Variants in DCLK1 observed in about 807,000 individuals in gnomAD.
DCLK1 encodes doublecortin like kinase 1.
DCLK1 carries 16 observed loss-of-function variants against 86.2 expected under a neutral mutation model. The ratio of observed to expected loss-of-function variants is 0.19; its 90% CI spans 0.13 to 0.28. The LOEUF is 0.28. Ranked by LOEUF, DCLK1 falls within the 10% of genes least tolerant of loss-of-function variation. The pLI is 1.00. For missense variants in DCLK1, 590 were observed against 940.2 expected (o/e 0.63, Z 4.87); for synonymous variants, 369 against 370.5 (o/e 1.00, Z 0.05).
At chr13:36,093,496 T>C (rs1884907054) in intron 3 of DCLK1, among the ~76,000 whole-genome samples, 2 of 152,156 alleles carry the variant, frequency 1.3e-5, no homozygotes, top group Admixed American at 6.5e-5. Context: ...GTGATTAAAG[T>C]ACCATATATT....
intron 3 of DCLK1, among the ~76,000 whole-genome samples, chr13:35,979,332 C>T (rs1209519495): frequency 6.6e-6 from 1 of 151,840 alleles, no homozygotes; most frequent in Non-Finnish European, 1.5e-5. Flanking sequence ...TCATGGAAGA[C>T]AAGGGATGTC....
chr13:36,063,354 G>A (rs773246387), intron 3 of DCLK1, among the ~76,000 whole-genome samples: 3 of 152,140 alleles, frequency 2.0e-5, no homozygotes, highest in Non-Finnish European at 2.9e-5. Flanking sequence ...CAGAGAGAAC[G>A]TGGGAACTTC....
chr13:35,834,045 CA>C (rs1869168027), intron 8 of DCLK1, among the ~76,000 whole-genome samples: 1 of 152,140 alleles, frequency 6.6e-6, no homozygotes, highest in Non-Finnish European at 1.5e-5. Context: ...CAGCCCAATC[CA>C]AGAACTAGCT....
intron 4 of DCLK1, among the ~76,000 whole-genome samples, chr13:35,901,534 G>GT (rs1292276476): frequency 6.9e-6 from 1 of 145,098 alleles, no homozygotes; most frequent in East Asian, 2.1e-4. Context: ...CTATGAGGAT[G>GT]TGGAGGTGGG....
chr13:35,906,109 A>G (rs972922494), intron 4 of DCLK1, among the ~76,000 whole-genome samples: 1 of 152,252 alleles, frequency 6.6e-6, no homozygotes, highest in Non-Finnish European at 1.5e-5. Flanking sequence ...GCTAGCTTCC[A>G]GGACCACTCT....
chr13:35,915,519 A>G lies in DCLK1; in HGVS notation c.823+31839T>C, dbSNP rs547875805. 6.6e-4 allele frequency among the ~76,000 whole-genome samples: 100 copies of G among 152,298 alleles called. 2 individuals are homozygous for G. Among genetic ancestry groups the G allele is most frequent in the Admixed American group, 6.3e-3 (96 of 15,310 alleles). ...AGTTGGAGACCAGCCTGGGCAACATAGCAAGATCTCTTCTCTACTAAAAGA... is the reference window on the plus strand; with the variant it reads ...AGTTGGAGACCAGCCTGGGCAACATGGCAAGATCTCTTCTCTACTAAAAGA... On this transcript the variant is annotated intron_variant, in intron 4 of 16. Transcript: ENST00000360631.
At chr13:36,021,959 C>T (rs1162972798) in intron 3 of DCLK1, among the ~76,000 whole-genome samples, 5 of 152,044 alleles carry the variant, frequency 3.3e-5, no homozygotes. Context: ...TTCTTCTCAA[C>T]AGAGACATAG....
chr13:35,774,592 C>T lies in DCLK1; in HGVS notation c.2166G>A (p.Ser722=), dbSNP rs1372942208. Residue 722 remains serine, a synonymous_variant, in exon 17 of 17, where the codon TCG becomes TCA. Coordinates refer to ENST00000360631, the MANE Select transcript of DCLK1 (RefSeq NM_001330071.2). ...QPAPPELNSE[S]EDYSPSSSET... Reference sequence around the variant, plus strand: ...CGGAGGAGCTTGGGGAGTAGTCTTCCGATTCCGAGTTGAGTTCGGGAGGAG... The same window carrying T: ...CGGAGGAGCTTGGGGAGTAGTCTTCTGATTCCGAGTTGAGTTCGGGAGGAG... 3.2e-6 allele frequency: 5 copies of T among 1,579,454 alleles called. No individual in the cohort carries two copies. The highest frequency in any genetic ancestry group is 4.3e-6 in the Non-Finnish European group (5 of 1,161,012).
At chr13:36,037,587 G>A (rs1201102270) in intron 3 of DCLK1, among the ~76,000 whole-genome samples, 1 of 152,086 alleles carries the variant, frequency 6.6e-6, no homozygotes, top group African/African-American at 2.4e-5. Context: ...GGGTTCAAGC[G>A]ATTCTCGTGC....
intron 2 of DCLK1, among the ~76,000 whole-genome samples, chr13:36,117,231 T>C (rs1341291870): frequency 3.3e-5 from 5 of 152,152 alleles, no homozygotes; most frequent in African/African-American, 1.2e-4. Flanking sequence ...TTATTTCTTA[T>C]TATAATAAGC....
intron 3 of DCLK1, among the ~76,000 whole-genome samples, chr13:36,027,654 G>C (rs1170345491): frequency 6.6e-6 from 1 of 152,198 alleles, no homozygotes; most frequent in Non-Finnish European, 1.5e-5. Context: ...AAGGTGCCAT[G>C]AATTTCTATA....
chr13:35,923,549 T>C (rs1419124157), intron 4 of DCLK1, among the ~76,000 whole-genome samples: 3 of 151,842 alleles, frequency 2.0e-5, no homozygotes, highest in African/African-American at 7.3e-5. Flanking sequence ...AGAGAGGCTA[T>C]GGGACAAATG....
intron 3 of DCLK1, among the ~76,000 whole-genome samples, chr13:35,996,168 A>G (rs924211492): frequency 6.6e-6 from 1 of 152,132 alleles, no homozygotes. Flanking sequence ...ACCTCAGGGG[A>G]TCTACCCGCC....
At chr13:35,836,523 C>T (rs1361664563) in intron 7 of DCLK1, among the ~76,000 whole-genome samples, 2 of 152,168 alleles carry the variant, frequency 1.3e-5, no homozygotes, top group Non-Finnish European at 2.9e-5. Context: ...CAGGAGGCAA[C>T]CGCAGTTCGC....
At chr13:36,117,916 TG>T (rs1885846272) in intron 2 of DCLK1, among the ~76,000 whole-genome samples, 1 of 152,080 alleles carries the variant, frequency 6.6e-6, no homozygotes, top group African/African-American at 2.4e-5. Context: ...CACTTCCCAC[TG>T]GGCTATCTAT....
chr13:35,853,463 G>A (rs1019099134), intron 6 of DCLK1, among the ~76,000 whole-genome samples: 20 of 152,170 alleles, frequency 1.3e-4, no homozygotes, highest in African/African-American at 4.8e-4. Flanking sequence ...GGCTCCAAAG[G>A]AGATGGGAAC....
At chr13:36,057,019 A>T (rs750500789) in intron 3 of DCLK1, among the ~76,000 whole-genome samples, 1 of 151,764 alleles carries the variant, frequency 6.6e-6, no homozygotes, top group African/African-American at 2.4e-5. Context: ...TAAAACTACC[A>T]CCAAGGACTC....
At chr13:36,113,946 A>G (rs117527382) in intron 2 of DCLK1, among the ~76,000 whole-genome samples, 2,375 of 152,106 alleles carry the variant, frequency 0.016, 21 homozygotes, top group Non-Finnish European at 0.026. Context: ...ATGCCCTAAC[A>G]CTCCCCAGTG....
chr13:36,083,202 G>C (rs1884480379), intron 3 of DCLK1, among the ~76,000 whole-genome samples: 1 of 152,162 alleles, frequency 6.6e-6, no homozygotes, highest in South Asian at 2.1e-4. Flanking sequence ...AGGTTATCTT[G>C]ACAGATCAAG....
Sources: allele counts gnomAD v4.1 joint callset (sites outside exome capture counted in the v4.1 genomes callset), GRCh38; gene constraint gnomAD v4.1.1; transcripts MANE v1.5; gene names NCBI Gene and HGNC (gene_info 2026-07-23, HGNC 2026-07-21).